COLEC12: variants seen among roughly 807,000 people sequenced by gnomAD.
The protein encoded by COLEC12 is collectin subfamily member 12, also known as collectin-12.
A neutral mutation model predicts 71.1 loss-of-function variants in COLEC12; 33 were observed. The ratio of observed to expected loss-of-function variants is 0.46; its 90% confidence interval spans 0.35 to 0.62. The LOEUF (loss-of-function observed/expected upper bound fraction) is 0.62. COLEC12 is among the 20% of genes least tolerant of loss of function. The probability of loss-of-function intolerance (pLI) is 0.00; values close to 1 mark genes in which losing one functional copy is unlikely to be tolerated. For missense variants in COLEC12, 765 were observed against 916.1 expected (o/e 0.84, Z 2.13); for synonymous variants, 350 against 353.0 (o/e 0.99, Z 0.10).
At chr18:321,901 A>G in intron 8 of COLEC12, 94 bp from the exon 9 acceptor site, 1 of 1,200,914 alleles carries the variant, frequency 8.3e-7, no homozygotes, top group South Asian at 1.4e-5. Context: ...AACAAAATTG[A>G]AGCATGTCAT....
rs747270027 is a variant in COLEC12, at chr18:346,643, T to C, written c.979A>G (p.Ile327Val). Residue 327 changes from isoleucine to valine, a missense_variant, in exon 5 of 10, where the codon ATC becomes GTC. Coordinates refer to ENST00000400256, the MANE Select transcript of COLEC12 (RefSeq NM_130386.3). This position sits in a 1 kb window ranked among gnomAD's most constrained non-coding sequence, Gnocchi z 4.0. The stretch of plus-strand genomic sequence containing the variant: ...CGTTCCTCCAGTTGGTTGAACTTGA[T>C]GGCTGTTCTATTCTCTGCATCTTTG... ...LHKDAENRTAIKFNQLEERFQ... is the reference protein window; with the variant it reads ...LHKDAENRTAVKFNQLEERFQ... 1.9e-6 allele frequency: 3 copies of C among 1,614,214 alleles called. No individual in the cohort carries two copies. In the South Asian group the frequency reaches 3.3e-5, roughly 18 times the overall value.
intron 2 of COLEC12, among the ~76,000 whole-genome samples, chr18:402,214 T>A (rs1400594388): frequency 6.6e-6 from 1 of 152,090 alleles, no homozygotes; most frequent in African/African-American, 2.4e-5. Flanking sequence ...TTACAGAATT[T>A]TCTGGGGTTT....
chr18:415,411 C>T (rs1915967991), intron 2 of COLEC12, among the ~76,000 whole-genome samples: 1 of 152,090 alleles, frequency 6.6e-6, no homozygotes, highest in Non-Finnish European at 1.5e-5. Context: ...CGTTACAAAG[C>T]TAACTCCATC....
At chr18:333,710 G>A (rs1320268485) in intron 6 of COLEC12, 1 of 152,234 alleles carries the variant, frequency 6.6e-6, no homozygotes, top group African/African-American at 2.4e-5. Flanking sequence ...GAAATTAAAT[G>A]TAGTCATCAA....
At chr18:411,009 T>C (rs901900362) in intron 2 of COLEC12, among the ~76,000 whole-genome samples, 3 of 152,126 alleles carry the variant, frequency 2.0e-5, no homozygotes, top group Admixed American at 6.5e-5. Context: ...AGTGACTGGA[T>C]TTTTACTACT....
rs555181052 is a variant in COLEC12 at position 455,752 on chromosome 18, G to T, written c.58+24955C>A. Among the ~76,000 whole-genome samples the T allele has an allele frequency of 6.6e-5, 10 of 152,034 alleles. No individual in the cohort carries two copies. The South Asian group carries it at 2.1e-3, about 32-fold the overall frequency. ...TATGAGTGAGAACATGCAGTGTTTG[G>T]TTTTCTGTTCCTGTGTTAGTTTGCT... On this transcript the variant is annotated intron_variant, in intron 2 of 9. Coordinates refer to ENST00000400256, the MANE Select transcript of COLEC12 (RefSeq NM_130386.3).
chr18:437,797 G>A lies in COLEC12; in HGVS notation c.58+42910C>T, dbSNP rs188091063. 1.2e-3 allele frequency among the ~76,000 whole-genome samples: 180 copies of A among 152,252 alleles called. 1 individual carries two copies. The highest frequency in any genetic ancestry group is 3.9e-3 in the African/African-American group (161 of 41,558). ...CCTCTCCCAGGTGCCACTTTTCTTC[G>A]AAGCTTTGTCGCATCTATCAGTTCA... On this transcript the variant is annotated intron_variant, in intron 2 of 9. Transcript: ENST00000400256.
At chr18:438,495 T>G (rs928046012) in intron 2 of COLEC12, among the ~76,000 whole-genome samples, 1 of 152,150 alleles carries the variant, frequency 6.6e-6, no homozygotes, top group Non-Finnish European at 1.5e-5. Flanking sequence ...AGACAACATA[T>G]TAGAGATACA....
intron 2 of COLEC12, among the ~76,000 whole-genome samples, chr18:426,678 G>A (rs1354334060): frequency 6.6e-6 from 1 of 152,118 alleles, no homozygotes; most frequent in African/African-American, 2.4e-5. Context: ...TATGAGTCAT[G>A]ATTTTATCTT....
At chr18:472,701 A>G (rs189537142) in intron 2 of COLEC12, among the ~76,000 whole-genome samples, 52 of 144,248 alleles carry the variant, frequency 3.6e-4, no homozygotes, top group East Asian at 1.4e-3. Context: ...AAAAAAAAAA[A>G]AAGAAGAAGA....
At chr18:429,320 T>C (rs1916256473) in intron 2 of COLEC12, among the ~76,000 whole-genome samples, 1 of 152,216 alleles carries the variant, frequency 6.6e-6, no homozygotes, top group Admixed American at 6.5e-5. Flanking sequence ...CCAGACAATC[T>C]CTACAGTTGG....
At chr18:345,397 G>T (rs1914348997) in intron 5 of COLEC12, among the ~76,000 whole-genome samples, 1 of 152,108 alleles carries the variant, frequency 6.6e-6, no homozygotes, top group African/African-American at 2.4e-5. Flanking sequence ...GTTTATTTAG[G>T]AGATGGGATA....
intron 8 of COLEC12, 68 bp downstream of exon 8, chr18:331,600 G>T: frequency 9.8e-7 from 1 of 1,018,218 alleles, no homozygotes; most frequent in Non-Finnish European, 1.5e-6. Flanking sequence ...ACTGTTGGGA[G>T]TCGGGCAAGA....
chr18:459,252 C>T (rs1175921855), intron 2 of COLEC12, among the ~76,000 whole-genome samples: 1 of 152,202 alleles, frequency 6.6e-6, no homozygotes, highest in Non-Finnish European at 1.5e-5. Context: ...CAGGATGGCT[C>T]TTAGGTACAG....
chr18:402,252 T>C (rs528650765), intron 2 of COLEC12, among the ~76,000 whole-genome samples: 21 of 152,178 alleles, frequency 1.4e-4, no homozygotes, highest in Non-Finnish European at 2.6e-4. Context: ...TTCCCGTTGG[T>C]TCCTCTATTG....
chr18:499,046 T>C lies in COLEC12; in HGVS notation c.7+1462A>G, dbSNP rs146504328. Among the ~76,000 whole-genome samples, 637 of 152,264 alleles carry C rather than the reference T, an allele frequency of 4.2e-3. 5 individuals carry two copies. The highest frequency in any genetic ancestry group is 4.9e-3 in the Non-Finnish European group (336 of 68,010). On this transcript the variant is annotated intron_variant, in intron 1 of 9. Coordinates refer to ENST00000400256, the MANE Select transcript of COLEC12 (RefSeq NM_130386.3). ...GGTCTTAATGACCAGCAGAGAAGAT[T>C]CACTTCTGGCTAAAATGATAACTGA...
chr18:399,098 G>A lies in COLEC12; in HGVS notation c.59-41576C>T, dbSNP rs1427556269. Among the ~76,000 whole-genome samples the A allele has an allele frequency of 6.6e-6, 1 of 152,240 alleles. No individual in the cohort carries two copies. The highest frequency in any genetic ancestry group is 1.5e-5 in the Non-Finnish European group (1 of 68,052). On this transcript the variant is annotated intron_variant, in intron 2 of 9. Transcript: ENST00000400256. The surrounding 1 kb of genome is among the most constrained non-coding windows in gnomAD (Gnocchi z 4.0). ...TTTTGGGACCACCCATGTACACTGG[G>A]CTACTCTGTCAGCAGCTCAAGGAAC...
rs1041035213 is a variant in COLEC12, at chr18:480,192, T to C, written c.58+515A>G. On this transcript the variant is annotated intron_variant, in intron 2 of 9. Transcript: ENST00000400256. This position sits in a 1 kb window ranked among gnomAD's most constrained non-coding sequence, Gnocchi z 4.1. ...CACCTACAAAGTCCTTTGTGCCACA[T>C]AAGGTAACATTCAGGTTTCAGGATT... 6.6e-5 allele frequency among the ~76,000 whole-genome samples: 10 copies of C among 152,238 alleles called. No individual in the cohort carries two copies. The highest frequency in any genetic ancestry group is 5.2e-4 in the Admixed American group (8 of 15,288).
chr18:320,122 C>A, intron 9 of COLEC12, 58 bp from the exon 10 acceptor site: 3 of 986,564 alleles, frequency 3.0e-6, no homozygotes, highest in Admixed American at 2.3e-5. Flanking sequence ...AGTTAATGTG[C>A]AATTCAAAAA....
Sources: allele counts gnomAD v4.1 joint callset (sites outside exome capture counted in the v4.1 genomes callset), GRCh38; gene constraint gnomAD v4.1.1; non-coding constraint Gnocchi (gnomAD v3.1); transcripts MANE v1.5; gene names NCBI Gene and HGNC (gene_info 2026-07-23, HGNC 2026-07-21).